Variants in STIM2 observed in about 807,000 individuals in gnomAD.
STIM2 encodes stromal interaction molecule 2.
In STIM2, 31 loss-of-function variants were observed where a neutral mutation model predicts 85.8. That is an observed-to-expected ratio of 0.36 (90% CI 0.27 to 0.49). The LOEUF (loss-of-function observed/expected upper bound fraction) is 0.49, where lower values mean the gene tolerates loss of function less well. STIM2 is among the 20% of genes least tolerant of loss of function. STIM2 has a pLI of 0.98. For synonymous variants in STIM2, 356 were observed against 331.1 expected, an observed-to-expected ratio of 1.08 and a Z score of -0.82; for missense variants, 841 against 927.6, an observed-to-expected ratio of 0.91 and a Z score of 1.21.
At chr4:26,880,695 GTA>G (rs746030572) in intron 1 of STIM2, among the ~76,000 whole-genome samples, 1 of 95,644 alleles carries the variant, frequency 1.0e-5, no homozygotes, top group African/African-American at 4.3e-5. Context: ...ATATATATAT[GTA>G]TATATATATC....
At chr4:26,870,844 A>G (rs114494491) in intron 1 of STIM2, among the ~76,000 whole-genome samples, 2,802 of 152,168 alleles carry the variant, frequency 0.018, 97 homozygotes, top group African/African-American at 0.065. Context: ...AATTGCAAAG[A>G]TGGAGTTACT....
intron 3 of STIM2, among the ~76,000 whole-genome samples, chr4:26,969,405 A>G (rs1231982380): frequency 1.3e-5 from 2 of 152,354 alleles, no homozygotes; most frequent in African/African-American, 2.4e-5. Flanking sequence ...GAATTCTAAC[A>G]TCATTATTTT....
chr4:26,997,262 T>A (rs1727991082), intron 4 of STIM2, among the ~76,000 whole-genome samples: 1 of 152,204 alleles, frequency 6.6e-6, no homozygotes, highest in Admixed American at 6.5e-5. Context: ...GTATTACATA[T>A]TCTATAGATA....
chr4:26,968,439 A>T (rs1337892281), intron 3 of STIM2, among the ~76,000 whole-genome samples: 4 of 152,190 alleles, frequency 2.6e-5, no homozygotes, highest in African/African-American at 7.2e-5. Context: ...ATATTGCGGG[A>T]TTCTACTTCC....
intron 3 of STIM2, among the ~76,000 whole-genome samples, chr4:26,988,825 C>T (rs1727667391): frequency 6.6e-6 from 1 of 152,120 alleles, no homozygotes; most frequent in African/African-American, 2.4e-5. Flanking sequence ...CCATTCTTTC[C>T]CTCTCAGTAT....
At chr4:26,995,891 G>A (rs1727946735) in intron 4 of STIM2, among the ~76,000 whole-genome samples, 1 of 151,884 alleles carries the variant, frequency 6.6e-6, no homozygotes, top group Non-Finnish European at 1.5e-5. Context: ...AATAACCATC[G>A]AATTATGGCG....
At chr4:26,923,352 A>C (rs1577440281) in intron 2 of STIM2, among the ~76,000 whole-genome samples, 1 of 152,260 alleles carries the variant, frequency 6.6e-6, no homozygotes, top group East Asian at 1.9e-4. Flanking sequence ...GTTCCTCACC[A>C]GCAACAGAAC....
intron 1 of STIM2, among the ~76,000 whole-genome samples, chr4:26,878,565 A>G (rs1267398765): frequency 1.3e-5 from 2 of 152,086 alleles, no homozygotes; most frequent in African/African-American, 2.4e-5. Flanking sequence ...GACTCTGACT[A>G]ATCCTGATTT....
At position 26,989,890 on chromosome 4, in the gene STIM2, C is replaced by T. The variant is rs1188027565; in HGVS notation, c.398-5489C>T. Among the ~76,000 whole-genome samples, 6 of 151,754 alleles carry T rather than the reference C, an allele frequency of 4.0e-5. No individual in the cohort carries two copies. The East Asian group carries it at 5.8e-4, about 15-fold the overall frequency. ...AGGTACCAAAAAATATACCTAGAAA[C>T]GAATTTAACCAAGGAAGTGAAAAAT... On this transcript the variant is annotated intron_variant, in intron 3 of 11. Transcript: ENST00000467087.
At chr4:26,973,056 A>T (rs912736383) in intron 3 of STIM2, among the ~76,000 whole-genome samples, 1 of 152,150 alleles carries the variant, frequency 6.6e-6, no homozygotes, top group African/African-American at 2.4e-5. Context: ...CTCTGATGGT[A>T]GTTTGCGTTT....
intron 3 of STIM2, among the ~76,000 whole-genome samples, chr4:26,976,829 C>G (rs1727219091): frequency 6.6e-6 from 1 of 152,020 alleles, no homozygotes; most frequent in Admixed American, 6.6e-5. Flanking sequence ...ATTATTTTTC[C>G]TGTGAGACAG....
chr4:26,946,479 A>G (rs1355841693), intron 2 of STIM2, among the ~76,000 whole-genome samples: 2 of 152,000 alleles, frequency 1.3e-5, no homozygotes, highest in Non-Finnish European at 2.9e-5. Context: ...CATAGCTTTG[A>G]CTCTTACTTC....
chr4:26,900,175 C>T (rs988043325), intron 1 of STIM2, among the ~76,000 whole-genome samples: 1 of 152,128 alleles, frequency 6.6e-6, no homozygotes, highest in Non-Finnish European at 1.5e-5. Context: ...GAGAAACGCC[C>T]AAGGTTATCT....
At chr4:26,884,909 A>G (rs1490316306) in intron 1 of STIM2, among the ~76,000 whole-genome samples, 1 of 152,244 alleles carries the variant, frequency 6.6e-6, no homozygotes, top group East Asian at 1.9e-4. Context: ...TCTCACAACA[A>G]GATTCACATC....
intron 2 of STIM2, among the ~76,000 whole-genome samples, chr4:26,928,599 C>T (rs980058053): frequency 9.9e-5 from 15 of 152,020 alleles, no homozygotes; most frequent in Admixed American, 3.9e-4. Flanking sequence ...GTTTCAAAAG[C>T]CTGGTCTCTA....
intron 1 of STIM2, among the ~76,000 whole-genome samples, chr4:26,881,192 G>A (rs982999031): frequency 1.3e-4 from 20 of 152,238 alleles, no homozygotes; most frequent in East Asian, 3.9e-4. Flanking sequence ...GGGGCTGGGC[G>A]CGGTAGCTCA....
chr4:26,875,610 A>G (rs576107181), intron 1 of STIM2, among the ~76,000 whole-genome samples: 28 of 152,296 alleles, frequency 1.8e-4, no homozygotes, highest in African/African-American at 5.1e-4. Flanking sequence ...TGAAAAGATA[A>G]TAAGTCTTTG....
intron 3 of STIM2, among the ~76,000 whole-genome samples, chr4:26,981,902 A>G (rs927800675): frequency 6.6e-6 from 1 of 152,000 alleles, no homozygotes; most frequent in African/African-American, 2.4e-5. Context: ...TCATTTGATG[A>G]ATATAGTGTC....
At chr4:26,928,415 A>G (rs1166711235) in intron 2 of STIM2, among the ~76,000 whole-genome samples, 1 of 152,232 alleles carries the variant, frequency 6.6e-6, no homozygotes, top group African/African-American at 2.4e-5. Context: ...ATACACAGAG[A>G]AAGTATCAAG....
Sources: gnomAD v4.1 joint callset for allele counts (sites outside exome capture counted in the v4.1 genomes callset) on GRCh38, gnomAD v4.1.1 for gene constraint, MANE v1.5 for transcripts, NCBI Gene and HGNC (gene_info 2026-07-23, HGNC 2026-07-21) for gene names.